The following ATP8A2 variants were observed in gnomAD, a reference collection of about 807,000 sequenced individuals.
ATP8A2 encodes ATPase phospholipid transporting 8A2.
Under a neutral mutation model 165.6 loss-of-function variants are expected in ATP8A2, and 100 were observed. The ratio of observed to expected loss-of-function variants is 0.60; its 90% CI spans 0.51 to 0.71. The LOEUF is 0.71. ATP8A2 is among the 30% of genes least tolerant of loss of function. The pLI, the probability that ATP8A2 is intolerant of heterozygous loss-of-function variation, is 0.00. For missense variants in ATP8A2, 1,227 were observed against 1,479.5 expected (o/e 0.83, Z 2.80); for synonymous variants, 543 against 548.8 (o/e 0.99, Z 0.15).
At chr13:26,019,602 A>G (rs1052547850) in intron 36 of ATP8A2, among the ~76,000 whole-genome samples, 3 of 152,256 alleles carry the variant, frequency 2.0e-5, no homozygotes, top group East Asian at 1.9e-4. Flanking sequence ...TGATTCCCAC[A>G]CTGAGCTCAG....
chr13:25,595,966 A>G (rs1021662217), intron 24 of ATP8A2, among the ~76,000 whole-genome samples: 1 of 118,200 alleles, frequency 8.5e-6, no homozygotes, highest in Non-Finnish European at 2.2e-5. Flanking sequence ...CTTTCATGAA[A>G]GAGACCTGGT....
At chr13:25,440,288 A>T (rs1055385291) in intron 1 of ATP8A2, among the ~76,000 whole-genome samples, 1 of 152,064 alleles carries the variant, frequency 6.6e-6, no homozygotes, top group Non-Finnish European at 1.5e-5. Flanking sequence ...TGCTGTCAGG[A>T]TATACCACTG....
intron 8 of ATP8A2, among the ~76,000 whole-genome samples, chr13:25,540,800 T>A (rs1483421983): frequency 6.6e-6 from 1 of 152,056 alleles, no homozygotes; most frequent in Non-Finnish European, 1.5e-5. Context: ...AAAACTTCCA[T>A]GCCTTAAAGA....
chr13:25,590,143 G>A (rs1161741020), intron 24 of ATP8A2, among the ~76,000 whole-genome samples: 1 of 152,174 alleles, frequency 6.6e-6, no homozygotes, highest in Non-Finnish European at 1.5e-5. Flanking sequence ...TATATAGTGA[G>A]GCCAGGTGCA....
intron 35 of ATP8A2, among the ~76,000 whole-genome samples, chr13:25,983,738 C>T (rs369052826): frequency 6.6e-6 from 1 of 152,026 alleles, no homozygotes; most frequent in Non-Finnish European, 1.5e-5. Flanking sequence ...CAAACCCTTG[C>T]GATTTGCCAG....
In ATP8A2 at chr13:25,677,043, C is replaced by T. The variant is rs909860767; in HGVS notation, c.2212-22130C>T. On this transcript the variant is annotated intron_variant, in intron 24 of 36. Transcript: ENST00000381655. ...GGAAATCTCTGGGCCAGATCATTGC[C>T]TGGGACAGGATTCTCTTGCTAAATG... Among the ~76,000 whole-genome samples the T allele has an allele frequency of 2.0e-5, 3 of 152,098 alleles. 1 individual carries two copies. The highest frequency in any genetic ancestry group is 7.2e-5 in the African/African-American group (3 of 41,398).
At chr13:25,431,025 C>T (rs1372620235) in intron 1 of ATP8A2, among the ~76,000 whole-genome samples, 1 of 152,118 alleles carries the variant, frequency 6.6e-6, no homozygotes, top group Non-Finnish European at 1.5e-5. Context: ...TATATACACA[C>T]ACACACACAC....
chr13:25,562,110 G>A (rs191475099), intron 15 of ATP8A2, among the ~76,000 whole-genome samples: 13 of 152,056 alleles, frequency 8.5e-5, no homozygotes, highest in African/African-American at 2.7e-4. Context: ...TTCAGTCTCC[G>A]CTTTCCATTC....
rs975248863 is a variant in ATP8A2 at position 25,586,459 on chromosome 13, C to T, written c.2147-3176C>T. On this transcript the variant is annotated intron_variant, in intron 23 of 36. Transcript: ENST00000381655. ...GGGTCTCAAGGGAGAGGTGCCCAGG[C>T]GTGTGCTCCAGGGACAAGGCCTCAG... Among the ~76,000 whole-genome samples, 11 of 152,288 alleles carry T rather than the reference C, an allele frequency of 7.2e-5. No homozygotes were observed. In the East Asian group the frequency reaches 7.7e-4, roughly 11 times the overall value.
intron 2 of ATP8A2, among the ~76,000 whole-genome samples, chr13:25,520,321 C>A (rs1292512688): frequency 1.3e-5 from 2 of 152,162 alleles, no homozygotes; most frequent in Non-Finnish European, 2.9e-5. Context: ...ACCTCCAGTT[C>A]AATTTATGTT....
chr13:25,445,243 T>C (rs4770834), intron 1 of ATP8A2, among the ~76,000 whole-genome samples: 30,199 of 152,238 alleles, frequency 0.2, 3,359 homozygotes, highest in Middle Eastern at 0.26. Flanking sequence ...GGAATGATTT[T>C]AAAGGTATTA....
intron 33 of ATP8A2, among the ~76,000 whole-genome samples, chr13:25,936,521 A>G (rs1411793789): frequency 1.3e-5 from 2 of 152,166 alleles, no homozygotes; most frequent in Non-Finnish European, 2.9e-5. Context: ...ATAAATCATC[A>G]TCTTCAAGTC....
chr13:25,569,407 A>G (rs905353461), intron 16 of ATP8A2, among the ~76,000 whole-genome samples: 1 of 152,218 alleles, frequency 6.6e-6, no homozygotes, highest in African/African-American at 2.4e-5. Context: ...TTCATTTATG[A>G]CTAAAAAAAC....
chr13:25,876,180 G>C lies in ATP8A2; in HGVS notation c.3183+13772G>C, dbSNP rs554268219. Reference sequence around the variant, plus strand: ...GGGGCATTGTTCCTCAGCAGATCAGGGGGTGGGTGCTCCAAGGCCCGCTGC... The same window carrying C: ...GGGGCATTGTTCCTCAGCAGATCAGCGGGTGGGTGCTCCAAGGCCCGCTGC... On this transcript the variant is annotated intron_variant, in intron 33 of 36. Transcript: ENST00000381655. 2.6e-5 allele frequency among the ~76,000 whole-genome samples: 4 copies of C among 152,312 alleles called. No individual in the cohort carries two copies. The South Asian group carries it at 8.3e-4, about 32-fold the overall frequency.
rs1160156274 is a variant in ATP8A2, at chr13:25,372,122, C to T, written c.-91C>T. On this transcript the variant is annotated 5_prime_UTR_variant, in exon 1 of 37. Transcript: ENST00000381655. This position sits in a 1 kb window ranked among gnomAD's most constrained non-coding sequence, Gnocchi z 4.8. ...AGCAGCCCGGCGAGGCGCTGGCCCA[C>T]CCATGGTCCTCGGGCGGCGGCCCCT... 5 of 922,316 alleles carry T rather than the reference C, an allele frequency of 5.4e-6. No individual in the cohort carries two copies. Among genetic ancestry groups the T allele is most frequent in the Non-Finnish European group, 7.1e-6 (5 of 702,216 alleles). 57.1% of individuals were successfully genotyped at this position (922,316 alleles called of 1,614,324 possible). A position where few individuals can be genotyped will look rare whatever the true frequency, so the allele number is the denominator to read the frequency against.
chr13:25,613,501 G>A (rs578206160), intron 24 of ATP8A2, among the ~76,000 whole-genome samples: 1 of 152,244 alleles, frequency 6.6e-6, no homozygotes, highest in Non-Finnish European at 1.5e-5. Context: ...TTGAAGCTGG[G>A]AGGTGGAGGT....
chr13:25,929,714 G>A (rs1954711218), intron 33 of ATP8A2, among the ~76,000 whole-genome samples: 2 of 152,046 alleles, frequency 1.3e-5, no homozygotes, highest in Non-Finnish European at 2.9e-5. Flanking sequence ...AAAATTAGAT[G>A]TGGTGGCGCT....
chr13:25,580,036 G>A (rs1426884146), intron 22 of ATP8A2, 89 bp downstream of exon 22: 11 of 1,430,686 alleles, frequency 7.7e-6, no homozygotes, highest in Non-Finnish European at 1.1e-5. Context: ...CTTTTACTAT[G>A]TAGGGATGTT....
intron 1 of ATP8A2, among the ~76,000 whole-genome samples, chr13:25,455,576 CCTT>C (rs1566145834): frequency 1.3e-5 from 2 of 152,106 alleles, no homozygotes; most frequent in East Asian, 3.9e-4. Context: ...ATATTAAAAG[CCTT>C]TCATTCAAGG....
Sources: gnomAD v4.1 joint callset for allele counts (sites outside exome capture counted in the v4.1 genomes callset) on GRCh38, gnomAD v4.1.1 for gene constraint, Gnocchi (gnomAD v3.1) non-coding constraint, MANE v1.5 for transcripts, NCBI Gene and HGNC (gene_info 2026-07-23, HGNC 2026-07-21) for gene names.